The following PTPRD variants were observed in gnomAD, a reference collection of about 807,000 sequenced individuals.
PTPRD encodes protein tyrosine phosphatase receptor type D.
In PTPRD, 34 loss-of-function variants were observed where a neutral mutation model predicts 214.5. The ratio of observed to expected loss-of-function variants is 0.16; its 90% CI spans 0.12 to 0.21. The LOEUF (loss-of-function observed/expected upper bound fraction) is 0.21, where lower values mean the gene tolerates loss of function less well. Ranked by LOEUF, PTPRD falls within the 10% of genes least tolerant of loss-of-function variation. PTPRD has a pLI of 1.00. For missense variants in PTPRD, 2,545 were observed against 2,398.7 expected, an observed-to-expected ratio of 1.06 and a Z score of -1.27; for synonymous variants, 1,128 against 845.7, an observed-to-expected ratio of 1.33 and a Z score of -5.79.
chr9:8,805,092 G>C (rs2096648977), intron 11 of PTPRD, among the ~76,000 whole-genome samples: 1 of 152,100 alleles, frequency 6.6e-6, no homozygotes, highest in East Asian at 1.9e-4. Flanking sequence ...AAAGCCATGG[G>C]ATCAGAACCT....
chr9:9,325,809 G>A (rs551259992), intron 9 of PTPRD, among the ~76,000 whole-genome samples: 7 of 152,158 alleles, frequency 4.6e-5, no homozygotes, highest in Non-Finnish European at 1.0e-4. Flanking sequence ...TGCCCATTCA[G>A]TATAATACTG....
intron 2 of PTPRD, among the ~76,000 whole-genome samples, chr9:10,359,816 C>G (rs1466254279): frequency 2.6e-5 from 4 of 152,024 alleles, no homozygotes; most frequent in Admixed American, 2.6e-4. Context: ...GCATTCTATT[C>G]ACTGAATGGA....
chr9:9,513,350 A>G (rs868256325), intron 8 of PTPRD, among the ~76,000 whole-genome samples: 8 of 152,084 alleles, frequency 5.3e-5, no homozygotes, highest in African/African-American at 1.9e-4. Context: ...GTGTTGCTAA[A>G]TTGATTACTT....
chr9:9,109,703 A>G (rs1210556735), intron 10 of PTPRD, among the ~76,000 whole-genome samples: 1 of 152,104 alleles, frequency 6.6e-6, no homozygotes, highest in African/African-American at 2.4e-5. Context: ...GCCTCCTCTT[A>G]TATTCTTCTT....
rs1260130939 is a variant in PTPRD, at chr9:8,643,552, G to A, written c.65-6708C>T. On this transcript the variant is annotated intron_variant, in intron 12 of 45. Transcript: ENST00000381196. ...GCTGCAGATGGGCTGCCTCAGGGAC[G>A]CAGGGCATAGGGGAAGCGGGGAATA... Among the ~76,000 whole-genome samples, 3 of 152,162 alleles carry A rather than the reference G, an allele frequency of 2.0e-5. No homozygotes were observed. In the East Asian group the frequency reaches 5.8e-4, roughly 29 times the overall value.
At chr9:9,212,593 T>C (rs1569562870) in intron 9 of PTPRD, among the ~76,000 whole-genome samples, 2 of 152,094 alleles carry the variant, frequency 1.3e-5, no homozygotes, top group African/African-American at 4.8e-5. Flanking sequence ...AGCCAGTCAA[T>C]AGAAAGCTGG....
At chr9:9,338,312 C>T (rs1027037934) in intron 9 of PTPRD, among the ~76,000 whole-genome samples, 6 of 152,074 alleles carry the variant, frequency 3.9e-5, no homozygotes, top group Admixed American at 2.0e-4. Flanking sequence ...ATATGTGGTA[C>T]CTCTGGCACA....
chr9:8,949,722 A>T (rs1343488954), intron 11 of PTPRD, among the ~76,000 whole-genome samples: 2 of 152,180 alleles, frequency 1.3e-5, no homozygotes, highest in Non-Finnish European at 2.9e-5. Flanking sequence ...TGCTACTGAA[A>T]ATATTTTGTC....
At chr9:9,202,940 C>T (rs914527471) in intron 9 of PTPRD, among the ~76,000 whole-genome samples, 9 of 152,176 alleles carry the variant, frequency 5.9e-5, no homozygotes, top group African/African-American at 2.2e-4. Context: ...TCTGAATAGT[C>T]TCATGCACTC....
chr9:9,303,503 T>G (rs1012110372), intron 9 of PTPRD, among the ~76,000 whole-genome samples: 7 of 152,046 alleles, frequency 4.6e-5, no homozygotes, highest in Non-Finnish European at 1.0e-4. Context: ...TTTCAGTAAC[T>G]CAATACGTTA....
intron 8 of PTPRD, among the ~76,000 whole-genome samples, chr9:9,423,566 C>T (rs79736765): frequency 6.6e-6 from 1 of 152,078 alleles, no homozygotes; most frequent in Non-Finnish European, 1.5e-5. Flanking sequence ...TAAGAGACAA[C>T]AGAAACATAC....
intron 39 of PTPRD, among the ~76,000 whole-genome samples, chr9:8,350,099 T>C (rs781357751): frequency 2.0e-5 from 3 of 152,144 alleles, no homozygotes; most frequent in Admixed American, 2.0e-4. Context: ...AAAAACATGA[T>C]TGAGTTAGTC....
chr9:9,281,365 A>C (rs530896533), intron 9 of PTPRD, among the ~76,000 whole-genome samples: 2 of 151,390 alleles, frequency 1.3e-5, no homozygotes, highest in Non-Finnish European at 3.0e-5. Flanking sequence ...AAAGACTGTT[A>C]TTCAAAATAT....
At chr9:10,150,296 T>C (rs2099052052) in intron 3 of PTPRD, among the ~76,000 whole-genome samples, 1 of 152,064 alleles carries the variant, frequency 6.6e-6, no homozygotes, top group Non-Finnish European at 1.5e-5. Context: ...ATTAAGAAAG[T>C]GTGGCACATA....
intron 10 of PTPRD, among the ~76,000 whole-genome samples, chr9:9,148,356 G>C (rs1046273362): frequency 6.6e-6 from 1 of 152,008 alleles, no homozygotes; most frequent in South Asian, 2.1e-4. Flanking sequence ...AGAAAATATA[G>C]TATGTTTCAA....
At chr9:8,466,851 A>G (rs911922080) in intron 31 of PTPRD, among the ~76,000 whole-genome samples, 1 of 151,878 alleles carries the variant, frequency 6.6e-6, no homozygotes, top group Non-Finnish European at 1.5e-5. Flanking sequence ...AATAGAAATG[A>G]TCTAGTAAGA....
At chr9:8,388,012 C>T (rs556315121) in intron 37 of PTPRD, among the ~76,000 whole-genome samples, 1 of 152,206 alleles carries the variant, frequency 6.6e-6, no homozygotes, top group East Asian at 1.9e-4. Flanking sequence ...TATCTTAATT[C>T]CCATTTTAGA....
At chr9:10,268,196 T>A (rs1458196535) in intron 3 of PTPRD, among the ~76,000 whole-genome samples, 1 of 149,670 alleles carries the variant, frequency 6.7e-6, no homozygotes, top group Non-Finnish European at 1.5e-5. Flanking sequence ...AGGCTGATGC[T>A]GGAGAATCGC....
chr9:9,948,670 G>C (rs1373866350), intron 4 of PTPRD, among the ~76,000 whole-genome samples: 5 of 151,970 alleles, frequency 3.3e-5, no homozygotes, highest in African/African-American at 7.2e-5. Flanking sequence ...AGCCAAAATT[G>C]TAAGAAGTGT....
Sources: gnomAD v4.1 joint callset for allele counts (sites outside exome capture counted in the v4.1 genomes callset) on GRCh38, gnomAD v4.1.1 for gene constraint, MANE v1.5 for transcripts, NCBI Gene and HGNC (gene_info 2026-07-23, HGNC 2026-07-21) for gene names.